The following ZSCAN5C variants were observed in gnomAD, a reference collection of about 807,000 sequenced individuals.
ZSCAN5C encodes zinc finger and SCAN domain containing 5C.
Under a neutral mutation model 17.3 loss-of-function variants are expected in ZSCAN5C, and 11 were observed. That is an observed-to-expected ratio of 0.64 (90% CI 0.40 to 1.06). The LOEUF (loss-of-function observed/expected upper bound fraction) is 1.06. Among genes scored for constraint, ZSCAN5C ranks in the 50% least tolerant of loss-of-function variants. The pLI is 0.00. For synonymous variants in ZSCAN5C, 229 were observed against 208.4 expected, an observed-to-expected ratio of 1.10 and a Z score of -0.85; for missense variants, 698 against 538.9, an observed-to-expected ratio of 1.30 and a Z score of -2.92.
chr19:56,206,998 G>A (rs2032928510), intron 2 of ZSCAN5C, 61 bp from the exon 3 acceptor site: 1 of 674,212 alleles, frequency 1.5e-6, no homozygotes. Flanking sequence ...AGGACCCAGG[G>A]AATATGAGAG....
intron 1 of ZSCAN5C, 73 bp from the exon 2 acceptor site, chr19:56,205,714 G>T: frequency 1.8e-6 from 1 of 556,850 alleles, no homozygotes; most frequent in Non-Finnish European, 3.2e-6. Context: ...TCTGGGATTG[G>T]GATGAGGGAT....
At position 56,209,102 on chromosome 19, in the gene ZSCAN5C, G is replaced by A. The variant is rs535872828; in HGVS notation, c.1393G>A (p.Glu465Lys). ...GGAGCACCAGCGCATCCACTCTGGA[G>A]AGAAACCCCACAAATGTTCCAAGTG... The change falls in exon 5 of 5, where the codon GAG (glutamate) becomes AAG (lysine). Residue 465 changes from glutamate (E) to lysine (K), a missense_variant. Glu to Lys is a moderately conservative substitution (Grantham distance 56). Transcript: ENST00000534327. The A allele has an allele frequency of 6.7e-4, 1,064 of 1,583,144 alleles. 2 individuals carry two copies. The highest frequency in any genetic ancestry group is 8.0e-4 in the Non-Finnish European group (923 of 1,154,232).
intron 2 of ZSCAN5C, 125 bp downstream of exon 2, chr19:56,206,422 G>GCCCAT (rs2032922333): frequency 7.2e-7 from 1 of 1,391,728 alleles, no homozygotes; most frequent in African/African-American, 1.5e-5. Context: ...AGGAGAGTTT[G>GCCCAT]CCCATCAGGG....
chr19:56,208,764 A>C (rs1260256138), exon 5 of ZSCAN5C: 3 of 1,602,632 alleles, frequency 1.9e-6, no homozygotes, highest in Non-Finnish European at 2.6e-6. Flanking sequence ...GAAGTCAAGG[A>C]ACTGCTGCCC....
At chr19:56,205,424 G>T (rs1484347230) in intron 1 of ZSCAN5C, among the ~76,000 whole-genome samples, 1 of 151,810 alleles carries the variant, frequency 6.6e-6, no homozygotes, top group African/African-American at 2.4e-5. Flanking sequence ...GATTTGCCTT[G>T]GATCTTATCT....
chr19:56,204,494 C>A (rs1477942783), intron 1 of ZSCAN5C, among the ~76,000 whole-genome samples: 2 of 151,666 alleles, frequency 1.3e-5, no homozygotes. Flanking sequence ...GACCTGCTGG[C>A]CATTCACATG....
At chr19:56,205,323 C>T (rs746246167) in intron 1 of ZSCAN5C, among the ~76,000 whole-genome samples, 2 of 151,746 alleles carry the variant, frequency 1.3e-5, no homozygotes, top group Non-Finnish European at 2.9e-5. Flanking sequence ...TTCTCTGGAG[C>T]GAATAATTCT....
At chr19:56,206,725 T>G (rs1041146091) in intron 2 of ZSCAN5C, among the ~76,000 whole-genome samples, 1 of 151,734 alleles carries the variant, frequency 6.6e-6, no homozygotes, top group Admixed American at 6.6e-5. Flanking sequence ...GGCCCAGAAA[T>G]ACCATCCTGA....
At chr19:56,205,665 T>G in intron 1 of ZSCAN5C, 122 bp from the exon 2 acceptor site, 1 of 449,376 alleles carries the variant, frequency 2.2e-6, no homozygotes. Flanking sequence ...GTGGATTGAT[T>G]TCCACGGTGC....
At chr19:56,203,640 ATTTTTTT>A (rs564406569) in intron 1 of ZSCAN5C, among the ~76,000 whole-genome samples, 5 of 86,816 alleles carry the variant, frequency 5.8e-5, no homozygotes, top group Non-Finnish European at 8.4e-5. Context: ...TCTACTGGGA[ATTTTTTT>A]TTTTTTTTTT....
chr19:56,203,074 T>G (rs1276802431), intron 1 of ZSCAN5C, among the ~76,000 whole-genome samples: 3 of 151,950 alleles, frequency 2.0e-5, no homozygotes, highest in Non-Finnish European at 2.9e-5. Flanking sequence ...GGAAATGAAC[T>G]GACAGCGAAT....
downstream of ZSCAN5C, chr19:56,209,438 A>G (rs2032965139): frequency 2.3e-6 from 1 of 433,084 alleles, no homozygotes; most frequent in Non-Finnish European, 4.0e-6. Context: ...TTCAATAAAC[A>G]TCTTATTAGT....
chr19:56,208,376 T>C (rs2032947860), intron 4 of ZSCAN5C, 73 bp from the exon 5 acceptor site: 1 of 964,298 alleles, frequency 1.0e-6, no homozygotes. Context: ...CCAACATCAG[T>C]GTTTGGTTGC....
exon 5 of ZSCAN5C, chr19:56,208,895 C>A (rs765525088): frequency 4.4e-6 from 7 of 1,597,842 alleles, no homozygotes; most frequent in South Asian, 1.1e-5. Context: ...CTTCATGCAG[C>A]GCATAGGCCT....
exon 2 of ZSCAN5C, chr19:56,205,911 G>C: frequency 8.9e-7 from 1 of 1,125,050 alleles, no homozygotes; most frequent in South Asian, 1.2e-5. Context: ...TTCCCCAGTA[G>C]ACATGGCTGC....
exon 5 of ZSCAN5C, chr19:56,209,149 G>A (rs570078070): frequency 1.4e-5 from 19 of 1,389,880 alleles, no homozygotes; most frequent in Admixed American, 7.5e-5. Context: ...TCGGTCGGCC[G>A]GCGACCTTAA....
intron 3 of ZSCAN5C, among the ~76,000 whole-genome samples, 161 bp downstream of exon 3, chr19:56,207,423 G>A (rs1228918524): frequency 6.6e-6 from 1 of 151,716 alleles, no homozygotes; most frequent in Non-Finnish European, 1.5e-5. Context: ...AGCCATCACA[G>A]AGAGGGAAGC....
intron 1 of ZSCAN5C, among the ~76,000 whole-genome samples, chr19:56,204,122 G>A (rs1197989491): frequency 1.9e-4 from 29 of 151,984 alleles, no homozygotes; most frequent in Middle Eastern, 3.4e-3. Context: ...CACCCAGGAT[G>A]TGAGGATAGC....
exon 5 of ZSCAN5C, chr19:56,208,628 A>T (rs747157803): frequency 6.2e-7 from 1 of 1,609,604 alleles, no homozygotes; most frequent in East Asian, 2.2e-5. Flanking sequence ...CGCCACCTCC[A>T]TTTCCCAAGA....
Sources: gnomAD v4.1 joint callset for allele counts (sites outside exome capture counted in the v4.1 genomes callset) on GRCh38, gnomAD v4.1.1 for gene constraint, MANE v1.5 for transcripts, NCBI Gene and HGNC (gene_info 2026-07-23, HGNC 2026-07-21) for gene names.